EYS: variants seen among roughly 807,000 people sequenced by gnomAD.
The protein encoded by EYS is protein eyes shut homolog.
Under a neutral mutation model 282.1 loss-of-function variants are expected in EYS, and 250 were observed. The observed-to-expected ratio is 0.89, with a 90% CI of 0.80 to 0.98. The LOEUF is 0.98. EYS is among the 50% of genes least tolerant of loss of function. The pLI is 0.00. For synonymous variants in EYS, 1,355 were observed against 1,282.9 expected (o/e 1.06, Z -1.20); for missense variants, 4,016 against 3,709.0 (o/e 1.08, Z -2.15).
chr6:64,002,872 T>C (rs954359938), intron 33 of EYS, among the ~76,000 whole-genome samples: 4 of 152,204 alleles, frequency 2.6e-5, no homozygotes, highest in Non-Finnish European at 5.9e-5. Flanking sequence ...TTTTGCTTAT[T>C]TGTATTTTCT....
At chr6:63,747,076 A>AC in intron 41 of EYS, among the ~76,000 whole-genome samples, 1 of 152,328 alleles carries the variant, frequency 6.6e-6, no homozygotes, top group African/African-American at 2.4e-5. Flanking sequence ...ATTTAGTGCT[A>AC]TAAATTTCCC....
chr6:64,205,604 C>A (rs765285327), intron 31 of EYS, among the ~76,000 whole-genome samples: 9 of 152,066 alleles, frequency 5.9e-5, no homozygotes, highest in Non-Finnish European at 1.3e-4. Flanking sequence ...TATGTGCAGA[C>A]ATACAGTTTT....
At chr6:64,469,884 G>A (rs1489808815) in intron 26 of EYS, among the ~76,000 whole-genome samples, 1 of 152,168 alleles carries the variant, frequency 6.6e-6, no homozygotes, top group Admixed American at 6.5e-5. Context: ...ACCTGGCTCT[G>A]CCTTTTAGAT....
chr6:63,825,048 G>A (rs1055865259), intron 36 of EYS, among the ~76,000 whole-genome samples: 2 of 152,126 alleles, frequency 1.3e-5, no homozygotes, highest in South Asian at 2.1e-4. Flanking sequence ...GAATAGACTC[G>A]GGGCTGTTGT....
At chr6:65,352,401 C>G (rs1764318096) in intron 9 of EYS, among the ~76,000 whole-genome samples, 1 of 151,708 alleles carries the variant, frequency 6.6e-6, no homozygotes, top group Non-Finnish European at 1.5e-5. Context: ...ACCATATAGT[C>G]TTAAGAATGT....
At chr6:64,840,767 C>T (rs1049230177) in intron 19 of EYS, among the ~76,000 whole-genome samples, 1 of 151,982 alleles carries the variant, frequency 6.6e-6, no homozygotes, top group African/African-American at 2.4e-5. Flanking sequence ...TTGACCTTAC[C>T]CCATTAAATA....
rs116771390 is a variant in EYS, at chr6:65,011,836, C to T, written c.2138-14133G>A. 9.7e-3 allele frequency among the ~76,000 whole-genome samples: 1,470 copies of T among 152,232 alleles called. 17 individuals are homozygous for T. Among genetic ancestry groups the T allele is most frequent in the African/African-American group, 0.034 (1,412 of 41,548 alleles). Reference sequence around the variant, plus strand: ...AAAGAAATAGCCAATCATCTGTTGCCCGAGAGCACAGCGGGAGGGACAATG... The same window carrying T: ...AAAGAAATAGCCAATCATCTGTTGCTCGAGAGCACAGCGGGAGGGACAATG... On this transcript the variant is annotated intron_variant, in intron 13 of 42. Coordinates refer to ENST00000503581, the MANE Select transcript of EYS (RefSeq NM_001142800.2).
intron 22 of EYS, among the ~76,000 whole-genome samples, chr6:64,765,983 T>A (rs1442361127): frequency 1.3e-5 from 2 of 152,148 alleles, no homozygotes; most frequent in Non-Finnish European, 1.5e-5. Flanking sequence ...TGGCACTATT[T>A]TCAAGTAATT....
At chr6:64,546,383 A>C (rs999560359) in intron 26 of EYS, among the ~76,000 whole-genome samples, 1 of 152,226 alleles carries the variant, frequency 6.6e-6, no homozygotes, top group African/African-American at 2.4e-5. Context: ...ACGTGGATTA[A>C]AGACTTAAAT....
chr6:64,689,561 A>G (rs537194704), intron 22 of EYS, among the ~76,000 whole-genome samples: 1 of 152,254 alleles, frequency 6.6e-6, no homozygotes, highest in South Asian at 2.1e-4. Context: ...GCATCACACT[A>G]CCTGACTTCA....
chr6:64,649,284 T>C lies in EYS; in HGVS notation c.3444-23039A>G, dbSNP rs138681054. ...ATAAGCATATTTGTTAAATCCATACTTGTAACTTTAATAATATGCTTACAT... is the reference window on the plus strand; with the variant it reads ...ATAAGCATATTTGTTAAATCCATACCTGTAACTTTAATAATATGCTTACAT... On this transcript the variant is annotated intron_variant, in intron 22 of 42. Coordinates refer to ENST00000503581, the MANE Select transcript of EYS (RefSeq NM_001142800.2). Among the ~76,000 whole-genome samples the C allele has an allele frequency of 1.1e-3, 144 of 128,284 alleles. 1 individual carries two copies. Among genetic ancestry groups the C allele is most frequent in the African/African-American group, 4.2e-3 (135 of 32,510 alleles). 84.2% of individuals were successfully genotyped at this position (128,284 alleles called of 152,430 possible). A position where few individuals can be genotyped will look rare whatever the true frequency, so the allele number is the denominator to read the frequency against.
At chr6:64,170,031 G>T (rs1200638164) in intron 31 of EYS, among the ~76,000 whole-genome samples, 1 of 152,170 alleles carries the variant, frequency 6.6e-6, no homozygotes, top group Non-Finnish European at 1.5e-5. Flanking sequence ...TGTCTTTGAA[G>T]TATGGCCAGG....
intron 31 of EYS, among the ~76,000 whole-genome samples, chr6:64,140,608 C>T (rs1774309177): frequency 6.6e-6 from 1 of 152,088 alleles, no homozygotes; most frequent in Admixed American, 6.6e-5. Context: ...CTGTGTATGC[C>T]CCCAGCTTCA....
intron 7 of EYS, among the ~76,000 whole-genome samples, chr6:65,388,682 C>T (rs73741565): frequency 0.011 from 1,722 of 152,028 alleles, 38 homozygotes; most frequent in African/African-American, 0.039. Flanking sequence ...ATATGGCTCA[C>T]CTTGTAAGCA....
intron 5 of EYS, among the ~76,000 whole-genome samples, chr6:65,446,904 G>A (rs1768682324): frequency 6.6e-6 from 1 of 151,352 alleles, no homozygotes; most frequent in Admixed American, 6.6e-5. Flanking sequence ...AAAAACAGAA[G>A]GCACAGAAAA....
At chr6:65,204,642 G>T (rs1008459449) in intron 12 of EYS, among the ~76,000 whole-genome samples, 8 of 151,606 alleles carry the variant, frequency 5.3e-5, no homozygotes, top group Non-Finnish European at 1.2e-4. Context: ...AGACTCCAAG[G>T]TTACTAGCTA....
intron 37 of EYS, among the ~76,000 whole-genome samples, chr6:63,798,885 A>G (rs1770705216): frequency 6.6e-6 from 1 of 150,964 alleles, no homozygotes; most frequent in South Asian, 2.1e-4. Flanking sequence ...CTATGTGCAT[A>G]AAGTGCTTAG....
intron 33 of EYS, among the ~76,000 whole-genome samples, chr6:64,051,451 C>T (rs1770807453): frequency 6.6e-6 from 1 of 152,032 alleles, no homozygotes. Context: ...CTAACATGTA[C>T]AGGGTCTATC....
chr6:64,754,213 G>T (rs2149972430), intron 22 of EYS, among the ~76,000 whole-genome samples: 1 of 152,034 alleles, frequency 6.6e-6, no homozygotes, highest in East Asian at 1.9e-4. Context: ...ACTATAAATG[G>T]CTATACATTC....
Sources: gnomAD v4.1 joint callset for allele counts (sites outside exome capture counted in the v4.1 genomes callset) on GRCh38, gnomAD v4.1.1 for gene constraint, MANE v1.5 for transcripts, NCBI Gene and HGNC (gene_info 2026-07-23, HGNC 2026-07-21) for gene names.